TBX22: variants seen among roughly 807,000 people sequenced by gnomAD.
TBX22 encodes T-box transcription factor TBX22.
TBX22 carries 8 observed loss-of-function variants against 30.1 expected under a neutral mutation model. The ratio of observed to expected loss-of-function variants is 0.27; its 90% CI spans 0.16 to 0.48. The LOEUF (loss-of-function observed/expected upper bound fraction) is 0.48. TBX22 is among the 20% of genes least tolerant of loss of function. TBX22 has a pLI of 0.99. For synonymous variants in TBX22, 173 were observed against 149.1 expected (o/e 1.16, Z -1.17); for missense variants, 463 against 400.5 (o/e 1.16, Z -1.33).
intron 3 of TBX22, 27 bp from the exon 4 acceptor site, chrX:80,024,036 G>A: frequency 8.4e-7 from 1 of 1,186,202 alleles, no homozygotes; most frequent in Non-Finnish European, 1.1e-6. Flanking sequence ...AAAGCTCTTG[G>A]GTCAGTCCTT....
In TBX22 at chrX:80,026,630, G is replaced by A. The variant is rs1372007677; in HGVS notation, c.634-74G>A. On this transcript the variant is annotated intron_variant, in intron 5 of 8. Coordinates refer to ENST00000373296, the MANE Select transcript of TBX22 (RefSeq NM_001109878.2). ...TGCCTTTTTGTGTGCACATGGTGGAGGTGGTCAGGAGAGGGAACTAGGGTT... is the reference window on the plus strand; with the variant it reads ...TGCCTTTTTGTGTGCACATGGTGGAAGTGGTCAGGAGAGGGAACTAGGGTT... The A allele has an allele frequency of 7.8e-6, 8 of 1,030,262 alleles. No homozygotes were observed. The Admixed American group carries it at 1.8e-4, about 23-fold the overall frequency. The allele number at this position is 1,030,262 out of a possible 1,213,427, so 84.9% of individuals were successfully genotyped here.
Position 80,030,924 on chromosome X carries a change from T to C in TBX22, c.1376T>C (p.Ile459Thr). The change falls in exon 9 of 9, where the codon ATC becomes ACC. Residue 459 changes from isoleucine to threonine, a missense_variant. Physicochemically the swap from Ile to Thr is moderately conservative, Grantham distance 89. Coordinates refer to ENST00000373296, the MANE Select transcript of TBX22 (RefSeq NM_001109878.2). ...GGAAATATTTTTCTGCCAAACTCCATCACCCCAGAAGCACTTAGTTGCTCC... is the reference window on the plus strand; with the variant it reads ...GGAAATATTTTTCTGCCAAACTCCACCACCCCAGAAGCACTTAGTTGCTCC... ...SPGNIFLPNS[I>T]TPEALSCSFH... The C allele has an allele frequency of 8.3e-7, 1 of 1,211,433 alleles. No individual in the cohort carries two copies.
chrX:80,023,601 G>T (rs1164430473), intron 3 of TBX22, among the ~76,000 whole-genome samples: 1 of 111,251 alleles, frequency 9.0e-6, no homozygotes. Flanking sequence ...AGTTCCTCGC[G>T]CCCGCTAGAC....
At chrX:80,017,401 C>A (rs140782487) in intron 1 of TBX22, among the ~76,000 whole-genome samples, 1 of 109,811 alleles carries the variant, frequency 9.1e-6, no homozygotes, top group East Asian at 2.9e-4. Flanking sequence ...TGGACTCAAG[C>A]TATCCTTTTC....
chrX:80,017,736 A>G (rs1017570403), intron 1 of TBX22, among the ~76,000 whole-genome samples: 10 of 111,646 alleles, frequency 9.0e-5, no homozygotes, highest in Non-Finnish European at 1.5e-4. Context: ...TTCCTAGGAA[A>G]TTTTTAAAAA....
chrX:80,020,617 C>G (rs781148889), intron 1 of TBX22, among the ~76,000 whole-genome samples: 1 of 111,455 alleles, frequency 9.0e-6, no homozygotes, highest in Non-Finnish European at 1.9e-5. Context: ...CTTTGCCATA[C>G]TGAGATTTTT....
At chrX:80,019,101 T>C (rs1923570237) in intron 1 of TBX22, among the ~76,000 whole-genome samples, 1 of 112,051 alleles carries the variant, frequency 8.9e-6, no homozygotes, top group Non-Finnish European at 1.9e-5. Context: ...TTGTCAAGAC[T>C]CTTTTGTCTA....
In TBX22 at chrX:80,017,005, C is replaced by CAAAA. The variant is rs1270817239; in HGVS notation, c.-3+2135_-3+2138dup. On this transcript the variant is annotated intron_variant, in intron 1 of 8. Transcript: ENST00000373296. ...TGGGCAACAGAGGGAGATTCTGTCT[C>CAAAA]AAAAAAAAAAAAAAAAAAAAGCATG... Among the ~76,000 whole-genome samples the CAAAA allele has an allele frequency of 9.4e-3, 274 of 29,106 alleles. 11 individuals carry two copies. The highest frequency in any genetic ancestry group is 0.043 in the East Asian group (31 of 714). 25.3% of individuals were successfully genotyped at this position (29,106 alleles called of 115,157 possible).
At chrX:80,017,955 A>G (rs1412377712) in intron 1 of TBX22, among the ~76,000 whole-genome samples, 1 of 111,953 alleles carries the variant, frequency 8.9e-6, no homozygotes, top group African/African-American at 3.2e-5. Flanking sequence ...AGTTTTTGCA[A>G]GCATGAGCAT....
At chrX:80,029,674 T>C (rs1924154128) in intron 8 of TBX22, among the ~76,000 whole-genome samples, 1 of 112,432 alleles carries the variant, frequency 8.9e-6, no homozygotes, top group South Asian at 3.6e-4. Context: ...AAAATCAACG[T>C]ACATGAAATC....
At chrX:80,020,888 A>G (rs942460309) in intron 1 of TBX22, among the ~76,000 whole-genome samples, 3 of 112,124 alleles carry the variant, frequency 2.7e-5, no homozygotes, top group Non-Finnish European at 5.6e-5. Flanking sequence ...GGAGAATAAT[A>G]TAATTTTTCT....
Position 80,031,488 on chromosome X carries a change from T to C in TBX22, c.*377T>C. The C allele has an allele frequency of 6.6e-6, 1 of 151,543 alleles. No individual in the cohort carries two copies. Among genetic ancestry groups the C allele is most frequent in the Non-Finnish European group, 1.3e-5 (1 of 77,851 alleles). 12.5% of individuals were successfully genotyped at this position (151,543 alleles called of 1,213,427 possible). ...AATGACAAAAAGAAGATGGATGTAA[T>C]TCTCATGAAAGCAGTGAAGCAATTT... On this transcript the variant is annotated 3_prime_UTR_variant, in exon 9 of 9. Coordinates refer to ENST00000373296, the MANE Select transcript of TBX22 (RefSeq NM_001109878.2).
At chrX:80,023,278 C>G (rs1407388259) in intron 3 of TBX22, 38 bp downstream of exon 3, 1 of 1,160,433 alleles carries the variant, frequency 8.6e-7, no homozygotes, top group African/African-American at 1.8e-5. Flanking sequence ...GGGTCACACA[C>G]ATTAGGCACT....
rs185298778 is a variant in TBX22, at chrX:80,022,261, C to A, written c.-2-7C>A. On this transcript the variant is annotated splice_region_variant and splice_polypyrimidine_tract_variant and intron_variant, in intron 1 of 8. Transcript: ENST00000373296. ...TTTGCTGCAAAGAATCCCTTCACCC[C>A]CTCCAGGGATGGCTCTGAGCTCTCG... The A allele has an allele frequency of 1.1e-3, 1,298 of 1,208,650 alleles. 12 individuals carry two copies. The African/African-American group carries it at 0.018, about 17-fold the overall frequency.
intron 7 of TBX22, 49 bp from the exon 8 acceptor site, chrX:80,027,942 T>A (rs1403268208): frequency 2.1e-6 from 2 of 965,708 alleles, no homozygotes; most frequent in Non-Finnish European, 3.0e-6. Flanking sequence ...AAATCATTAT[T>A]TTCAGAAATT....
chrX:80,017,280 TTGTGTGTG>T (rs3048747), intron 1 of TBX22, among the ~76,000 whole-genome samples: 21 of 93,949 alleles, frequency 2.2e-4, no homozygotes, highest in East Asian at 3.7e-4. Context: ...GGTGTTGTTT[TTGTGTGTG>T]TGTGTGTGTG....
chrX:80,026,300 A>T (rs1260593497), intron 5 of TBX22, among the ~76,000 whole-genome samples: 1 of 111,656 alleles, frequency 9.0e-6, no homozygotes, highest in Admixed American at 9.5e-5. Context: ...CCAGTCTGGC[A>T]CTGTGCCAGC....
rs775801815 is a variant in TBX22 at position 80,026,746 on chromosome X, G to A, written c.676G>A (p.Val226Met). ...SMHKYKPRVH[V>M]IEQGSSVDLS... ...GCATAAGTACAAACCCCGAGTGCAC[G>A]TGATAGAGCAAGGCAGCAGTGTTGA... Residue 226 changes from valine (V) to methionine (M), a missense_variant, in exon 6 of 9, where the codon GTG becomes ATG. Transcript: ENST00000373296. The A allele has an allele frequency of 5.0e-6, 6 of 1,209,678 alleles. No homozygotes were observed. Among genetic ancestry groups the A allele is most frequent in the South Asian group, 3.5e-5 (2 of 56,828 alleles).
chrX:80,025,849 G>A (rs1923948981), intron 5 of TBX22, 72 bp downstream of exon 5: 9 of 979,336 alleles, frequency 9.2e-6, no homozygotes, highest in Non-Finnish European at 1.3e-5. Flanking sequence ...CCCTGGAGAG[G>A]CCAGGGAGGC....
Sources: gnomAD v4.1 joint callset for allele counts (sites outside exome capture counted in the v4.1 genomes callset) on GRCh38, gnomAD v4.1.1 for gene constraint, MANE v1.5 for transcripts, NCBI Gene and HGNC (gene_info 2026-07-23, HGNC 2026-07-21) for gene names.